The following GREB1L variants were observed in gnomAD, a reference collection of about 807,000 sequenced individuals.
The protein encoded by GREB1L is GREB1-like protein.
Under a neutral mutation model 200.8 loss-of-function variants are expected in GREB1L, and 17 were observed. The observed-to-expected ratio is 0.08, with a 90% CI of 0.06 to 0.13. The LOEUF is 0.13. Ranked by LOEUF, GREB1L falls within the 10% of genes least tolerant of loss-of-function variation. The pLI is 1.00. For synonymous variants in GREB1L, 789 were observed against 893.0 expected, an observed-to-expected ratio of 0.88 and a Z score of 2.08; for missense variants, 1,657 against 2,367.7, an observed-to-expected ratio of 0.70 and a Z score of 6.23.
chr18:21,262,221 A>G (rs1045448362), intron 1 of GREB1L, among the ~76,000 whole-genome samples: 14 of 152,246 alleles, frequency 9.2e-5, no homozygotes, highest in Middle Eastern at 3.4e-3. Context: ...TTCCTTGAGA[A>G]CAGGAGTTAT....
intron 2 of GREB1L, among the ~76,000 whole-genome samples, chr18:21,381,357 G>T (rs1211447343): frequency 1.3e-5 from 2 of 151,548 alleles, no homozygotes; most frequent in African/African-American, 2.4e-5. Flanking sequence ...GCAGTGAGCC[G>T]AGATTGCGCC....
intron 1 of GREB1L, among the ~76,000 whole-genome samples, chr18:21,270,430 C>T (rs758386284): frequency 1.7e-4 from 26 of 152,092 alleles, no homozygotes; most frequent in Non-Finnish European, 2.9e-4. Flanking sequence ...TGGCTGCCTG[C>T]GCTGTTAGGA....
intron 15 of GREB1L, among the ~76,000 whole-genome samples, chr18:21,467,475 A>C (rs1416440157): frequency 6.6e-6 from 1 of 152,228 alleles, no homozygotes; most frequent in East Asian, 1.9e-4. Flanking sequence ...ATGAATGGCC[A>C]ATGAACACAT....
In GREB1L at chr18:21,524,751, T is replaced by C. The variant is rs1452341236; in HGVS notation, c.*1930T>C. On this transcript the variant is annotated 3_prime_UTR_variant, in exon 33 of 33. Transcript: ENST00000424526. Reference sequence around the variant, plus strand: ...AGTTACATCAGATGCAGGTACTCCATTAGTTAGGGCTGCACTCTGAAAATT... The same window carrying C: ...AGTTACATCAGATGCAGGTACTCCACTAGTTAGGGCTGCACTCTGAAAATT... 1 of 152,114 alleles carries C rather than the reference T, an allele frequency of 6.6e-6. No individual in the cohort carries two copies. Among genetic ancestry groups the C allele is most frequent in the East Asian group, 1.9e-4 (1 of 5,196 alleles). The allele number at this position is 152,114 out of a possible 1,614,324, so 9.4% of individuals were successfully genotyped here.
chr18:21,496,485 G>T lies in GREB1L; in HGVS notation c.3178G>T (p.Asp1060Tyr). 6.4e-7 allele frequency: 1 copy of T among 1,551,722 alleles called. No individual in the cohort carries two copies. The highest frequency in any genetic ancestry group is 1.2e-5 in the South Asian group (1 of 84,054). The part of the protein sequence containing the change: ...SLKYCDLRLI[D>Y]SSYLTRTALE... The stretch of plus-strand genomic sequence containing the variant: ...GAAGTACTGTGACCTCCGGTTAATT[G>T]ACTCAAGCTATTTAACTCGCACGGC... The change falls in exon 21 of 33, where the codon GAC (aspartate) becomes TAC (tyrosine). Residue 1060 changes from aspartate to tyrosine, a missense_variant. By Grantham distance (160) the Asp-to-Tyr change is radical. Transcript: ENST00000424526.
chr18:21,446,986 A>T (rs757102938), intron 11 of GREB1L, among the ~76,000 whole-genome samples: 6 of 152,204 alleles, frequency 3.9e-5, no homozygotes, highest in Non-Finnish European at 8.8e-5. Flanking sequence ...TTTTCCTATT[A>T]AGGTAGTTCT....
chr18:21,505,337 T>C lies in GREB1L; in HGVS notation c.4073-75T>C. 2.2e-6 allele frequency: 3 copies of C among 1,392,450 alleles called. No homozygotes were observed. In the Admixed American group the frequency reaches 6.2e-5, roughly 29 times the overall value. The allele number at this position is 1,392,450 out of a possible 1,614,324, so 86.3% of individuals were successfully genotyped here. A position where few individuals can be genotyped will look rare whatever the true frequency, so the allele number is the denominator to read the frequency against. On this transcript the variant is annotated intron_variant, in intron 23 of 32. Coordinates refer to ENST00000424526, the MANE Select transcript of GREB1L (RefSeq NM_001142966.3). ...CCACCCATCTGGGCTCTACGTCCCA[T>C]AAAAGCCATTCTCTCTGACACATGG...
intron 1 of GREB1L, among the ~76,000 whole-genome samples, chr18:21,314,583 T>C (rs2038840279): frequency 6.6e-6 from 1 of 152,246 alleles, no homozygotes; most frequent in African/African-American, 2.4e-5. Flanking sequence ...TACAGATTTA[T>C]GACTTCGTAT....
At chr18:21,275,232 CTG>C (rs1327405188) in intron 1 of GREB1L, among the ~76,000 whole-genome samples, 1 of 150,294 alleles carries the variant, frequency 6.7e-6, no homozygotes, top group Non-Finnish European at 1.5e-5. Flanking sequence ...GAGTGAGACT[CTG>C]TCTCTAAATA....
In GREB1L at chr18:21,446,440, AAAAAG is replaced by A. The variant is rs562711653; in HGVS notation, c.1393+2046_1393+2050del. ...CTAAATGCTCTTATCTTTTGTAAAG[AAAAAG>A]AAAAGAAAAGAAAAAAAGAAACAAT... On this transcript the variant is annotated intron_variant, in intron 11 of 32. Coordinates refer to ENST00000424526, the MANE Select transcript of GREB1L (RefSeq NM_001142966.3). Among the ~76,000 whole-genome samples, 345 of 152,360 alleles carry A rather than the reference AAAAAG, an allele frequency of 2.3e-3. 1 individual carries two copies. The highest frequency in any genetic ancestry group is 7.8e-3 in the African/African-American group (324 of 41,582).
At chr18:21,291,102 C>T (rs934200068) in intron 1 of GREB1L, among the ~76,000 whole-genome samples, 1 of 152,124 alleles carries the variant, frequency 6.6e-6, no homozygotes, top group African/African-American at 2.4e-5. Flanking sequence ...CTATCATGTT[C>T]TTCAGCCAGG....
chr18:21,417,049 A>G (rs559655858), intron 7 of GREB1L, among the ~76,000 whole-genome samples: 1 of 152,122 alleles, frequency 6.6e-6, no homozygotes, highest in African/African-American at 2.4e-5. Context: ...ATATAAATAA[A>G]TAAAATTGCT....
intron 4 of GREB1L, among the ~76,000 whole-genome samples, chr18:21,386,870 A>G (rs1468093987): frequency 6.6e-6 from 1 of 152,182 alleles, no homozygotes; most frequent in Non-Finnish European, 1.5e-5. Context: ...AAGGGAGAAC[A>G]GTTCTGAAAT....
Position 21,293,542 on chromosome 18 carries a change from G to A in GREB1L, c.-120+51149G>A, listed in dbSNP as rs1205778587. On this transcript the variant is annotated intron_variant, in intron 1 of 32. Transcript: ENST00000424526. ...ATTAATTAAGCACCATTTATTGCCT[G>A]CTATGTGATGACCTTCGTGCTAGGT... Among the ~76,000 whole-genome samples the A allele has an allele frequency of 2.0e-5, 3 of 152,192 alleles. No individual in the cohort carries two copies. In the East Asian group the frequency reaches 5.8e-4, roughly 29 times the overall value.
Position 21,364,621 on chromosome 18 carries a change from A to G in GREB1L, c.-119-1406A>G, listed in dbSNP as rs143247047. Among the ~76,000 whole-genome samples, 109 of 152,320 alleles carry G rather than the reference A, an allele frequency of 7.2e-4. 2 individuals are homozygous for G. The East Asian group carries it at 0.017, about 24-fold the overall frequency. ...ATCTTCCTTCTCTATGGATGTAAAT[A>G]ATAGATGAAAGAGTAAGAGTGACAA... On this transcript the variant is annotated intron_variant, in intron 1 of 32. Coordinates refer to ENST00000424526, the MANE Select transcript of GREB1L (RefSeq NM_001142966.3).
intron 15 of GREB1L, among the ~76,000 whole-genome samples, chr18:21,458,737 G>T (rs191013183): frequency 6.8e-4 from 103 of 152,328 alleles, no homozygotes; most frequent in Non-Finnish European, 1.1e-3. Context: ...AATGGAGCGG[G>T]TTTAACATCT....
At chr18:21,436,669 GGTGTGTGTGTGTGTGT>G (rs71178172) in intron 7 of GREB1L, among the ~76,000 whole-genome samples, 1,452 of 132,526 alleles carry the variant, frequency 0.011, 30 homozygotes, top group African/African-American at 0.037. Flanking sequence ...AAAGTTCAGT[GGTGTGTGTGTGTGTGT>G]GTGTGTGTGT....
chr18:21,372,304 C>T (rs1234364227), intron 2 of GREB1L, among the ~76,000 whole-genome samples: 14 of 151,738 alleles, frequency 9.2e-5, no homozygotes, highest in Admixed American at 3.9e-4. Flanking sequence ...CCCGCCACCC[C>T]GCCAGGCCAA....
chr18:21,376,678 G>A (rs1345915892), intron 2 of GREB1L, among the ~76,000 whole-genome samples: 4 of 151,258 alleles, frequency 2.6e-5, no homozygotes, highest in Non-Finnish European at 5.9e-5. Context: ...GGTGGCAGGC[G>A]CCTCTAGTCC....
Sources: gnomAD v4.1 joint callset for allele counts (sites outside exome capture counted in the v4.1 genomes callset) on GRCh38, gnomAD v4.1.1 for gene constraint, MANE v1.5 for transcripts, NCBI Gene and HGNC (gene_info 2026-07-23, HGNC 2026-07-21) for gene names.